The following TRPV6 variants were observed in gnomAD, a reference collection of about 807,000 sequenced individuals.
The protein encoded by TRPV6 is Alu-binding protein with zinc finger domain.
In TRPV6, 39 loss-of-function variants were observed where a neutral mutation model predicts 79.0. That is an observed-to-expected ratio of 0.49 (90% CI 0.38 to 0.64). TRPV6 has a LOEUF of 0.64. TRPV6 is among the 30% of genes least tolerant of loss of function. The pLI is 0.00. For synonymous variants in TRPV6, 373 were observed against 391.9 expected, an observed-to-expected ratio of 0.95 and a Z score of 0.57; for missense variants, 813 against 1,011.1, an observed-to-expected ratio of 0.80 and a Z score of 2.66.
rs1234527256 is a variant in TRPV6 at position 142,877,511 on chromosome 7, CGGAA to C, written c.469+136_469+139del. 3 of 1,478,416 alleles carry C rather than the reference CGGAA, an allele frequency of 2.0e-6. No homozygotes were observed. In the African/African-American group the frequency reaches 4.2e-5, roughly 21 times the overall value. 91.6% of individuals were successfully genotyped at this position (1,478,416 alleles called of 1,614,324 possible). ...TAGTGATGGGCAGTCAGGACTGACA[CGGAA>C]GGGAGACAGAGAAGAGAAAAAAAGA... On this transcript the variant is annotated intron_variant, in intron 3 of 14. Coordinates refer to ENST00000359396, the MANE Select transcript of TRPV6 (RefSeq NM_018646.6).
rs1208945258 is a variant in TRPV6, at chr7:142,875,615, C to A, written c.1095G>T (p.Gly365=). The A allele has an allele frequency of 6.2e-7, 1 of 1,613,680 alleles. No homozygotes were observed. The highest frequency in any genetic ancestry group is 1.3e-5 in the African/African-American group (1 of 74,822). ...CACCCAGCATGCAGAAGTACGGCCG[C>A]CCGTACCGCTTCCACTTGAGGCTCA... is the stretch of plus-strand genomic sequence containing the variant. The change falls in exon 8 of 15, where the codon GGG becomes GGT. Residue 365 remains glycine, a synonymous_variant. Coordinates refer to ENST00000359396, the MANE Select transcript of TRPV6 (RefSeq NM_018646.6).
chr7:142,875,642 C>T lies in TRPV6; in HGVS notation c.1068G>A (p.Leu356=). ...CGTACCGCTTCCACTTGAGGCTCACCAGCTCCTTCACCGGCGTCTGGTCCA... is the reference window on the plus strand; with the variant it reads ...CGTACCGCTTCCACTTGAGGCTCACTAGCTCCTTCACCGGCGTCTGGTCCA... The change falls in exon 8 of 15, where the codon CTG becomes CTA. Residue 356 remains leucine (L), a synonymous_variant. Transcript: ENST00000359396. 1 of 1,613,846 alleles carries T rather than the reference C, an allele frequency of 6.2e-7. No homozygotes were observed. Among genetic ancestry groups the T allele is most frequent in the Non-Finnish European group, 8.5e-7 (1 of 1,179,956 alleles).
At position 142,876,531 on chromosome 7, in the gene TRPV6, G is replaced by A; in HGVS notation, c.759C>T (p.Cys253=). Reference sequence around the variant, plus strand: ...AGGACAGCAACAGGTTGTACATCTGGCAGGCAAAGGTTTTGTTGGGCTGGA... The same window carrying A: ...AGGACAGCAACAGGTTGTACATCTGACAGGCAAAGGTTTTGTTGGGCTGGA... The change falls in exon 6 of 15, where the codon TGC becomes TGT. Residue 253 remains cysteine (C), a synonymous_variant. Coordinates refer to ENST00000359396, the MANE Select transcript of TRPV6 (RefSeq NM_018646.6). 1.9e-6 allele frequency: 3 copies of A among 1,614,138 alleles called. No individual in the cohort carries two copies. The highest frequency in any genetic ancestry group is 2.5e-6 in the Non-Finnish European group (3 of 1,180,026).
rs1048261564 is a variant in TRPV6, at chr7:142,877,457, G to A, written c.470-178C>T. On this transcript the variant is annotated intron_variant, in intron 3 of 14. Transcript: ENST00000359396. ...CTGCCCATCTCTTCCTCTTCTCTAG[G>A]CCCCTGGCATTTCAGGGGGCAGGCG... The A allele has an allele frequency of 4.1e-6, 6 of 1,452,932 alleles. No individual in the cohort carries two copies. In the African/African-American group the frequency reaches 8.6e-5, roughly 21 times the overall value. The allele number at this position is 1,452,932 out of a possible 1,614,324, so 90.0% of individuals were successfully genotyped here.
At chr7:142,884,281 A>T (rs1278258556) in intron 1 of TRPV6, 1 of 152,346 alleles carries the variant, frequency 6.6e-6, no homozygotes. Context: ...ACCATCCCCA[A>T]CCCAGAATCC....
At chr7:142,875,721 C>G (rs201115204) in intron 7 of TRPV6, 37 bp downstream of exon 7, 1 of 1,600,166 alleles carries the variant, frequency 6.2e-7, no homozygotes, top group Non-Finnish European at 8.5e-7. Flanking sequence ...GACCCTGACA[C>G]CCCTCCCCAG....
intron 4 of TRPV6, 145 bp downstream of exon 4, chr7:142,876,997 C>A: frequency 6.9e-7 from 1 of 1,441,170 alleles, no homozygotes; most frequent in South Asian, 1.4e-5. Flanking sequence ...GTAAATTGGC[C>A]TCTAGTCTAA....
intron 4 of TRPV6, 70 bp from the exon 5 acceptor site, chr7:142,876,907 G>A (rs1333189002): frequency 1.9e-6 from 3 of 1,574,274 alleles, no homozygotes; most frequent in South Asian, 1.1e-5. Context: ...TCTCCCCCAA[G>A]TGACAGCCTT....
intron 5 of TRPV6, 55 bp downstream of exon 5, chr7:142,876,684 C>A: frequency 1.2e-6 from 2 of 1,613,416 alleles, no homozygotes; most frequent in Non-Finnish European, 1.7e-6. Flanking sequence ...CCTCTCCTCA[C>A]CCTGTCCCTC....
intron 14 of TRPV6, 35 bp from the exon 15 acceptor site, chr7:142,872,024 G>T: frequency 6.5e-7 from 1 of 1,549,808 alleles, no homozygotes; most frequent in Admixed American, 1.9e-5. Flanking sequence ...ACACAGCCAG[G>T]ACTTGAAGAA....
At chr7:142,885,233 T>C (rs1795280425) in intron 1 of TRPV6, 156 bp downstream of exon 1, 2 of 812,958 alleles carry the variant, frequency 2.5e-6, no homozygotes, top group East Asian at 2.7e-5. Context: ...AGGCTGAGGC[T>C]CTTAAGACAG....
chr7:142,877,619 C>G (rs769199420), intron 3 of TRPV6, 32 bp downstream of exon 3: 1 of 1,609,136 alleles, frequency 6.2e-7, no homozygotes, highest in Non-Finnish European at 8.5e-7. Flanking sequence ...CCAGTCACTC[C>G]TGCTCTTCAC....
Position 142,875,068 on chromosome 7 carries a change from C to T in TRPV6, c.1329+10G>A. On this transcript the variant is annotated intron_variant, in intron 9 of 14. Coordinates refer to ENST00000359396, the MANE Select transcript of TRPV6 (RefSeq NM_018646.6). ...CAGACAGCCTCACCCAGAGTCCATC[C>T]ACACCTCACCTCTACCAGCAGGATG... 1 of 1,614,158 alleles carries T rather than the reference C, an allele frequency of 6.2e-7. No homozygotes were observed. Among genetic ancestry groups the T allele is most frequent in the Non-Finnish European group, 8.5e-7 (1 of 1,180,044 alleles).
chr7:142,871,786 T>G lies in TRPV6; in HGVS notation c.2219A>C (p.Gln740Pro). The G allele has an allele frequency of 6.2e-7, 1 of 1,614,220 alleles. No homozygotes were observed. Among genetic ancestry groups the G allele is most frequent in the Non-Finnish European group, 8.5e-7 (1 of 1,180,028 alleles). Residue 740 changes from glutamine (Q) to proline (P), a missense_variant, in exon 15 of 15, where the codon CAA (glutamine) becomes CCA (proline). Physicochemically the swap from Gln to Pro is moderately conservative, Grantham distance 76. Coordinates refer to ENST00000359396, the MANE Select transcript of TRPV6 (RefSeq NM_018646.6). ...ACGCAGGTCTCTCCTCAGGGTCCCT[T>G]GCCGAAGCCTTTCCCAATTGGCACT...
Position 142,877,978 on chromosome 7 carries a change from C to T in TRPV6, c.297G>A (p.Gln99=). Reference sequence around the variant, plus strand: ...CATACTTGAGCAACTTGTTCAGGGCCTGGACATCATTATCTTTGGCAGCTA... The same window carrying T: ...CATACTTGAGCAACTTGTTCAGGGCTTGGACATCATTATCTTTGGCAGCTA... The change falls in exon 2 of 15, where the codon CAG becomes CAA. Residue 99 remains glutamine (Q), a synonymous_variant. Coordinates refer to ENST00000359396, the MANE Select transcript of TRPV6 (RefSeq NM_018646.6). 6.2e-7 allele frequency: 1 copy of T among 1,614,182 alleles called. No individual in the cohort carries two copies. Among genetic ancestry groups the T allele is most frequent in the Non-Finnish European group, 8.5e-7 (1 of 1,180,032 alleles).
Position 142,871,892 on chromosome 7 carries a change from C to T in TRPV6, c.2113G>A (p.Glu705Lys). 6.2e-7 allele frequency: 1 copy of T among 1,614,178 alleles called. No homozygotes were observed. Among genetic ancestry groups the T allele is most frequent in the Non-Finnish European group, 8.5e-7 (1 of 1,180,014 alleles). The stretch of plus-strand genomic sequence containing the variant: ...AAGGGACAGCCCAGCTCTAGTTTTT[C>T]CACTGAGTCTTTGTCCAAATCCTCA... Residue 705 changes from glutamate to lysine, a missense_variant, in exon 15 of 15, where the codon GAA becomes AAA. Around this residue, in one of 3 missense-constraint regions of TRPV6, gnomAD observed 164 missense variants for 186.1 expected, o/e 0.88. Transcript: ENST00000359396.
chr7:142,874,020 C>G (rs1586186393), intron 12 of TRPV6, 56 bp downstream of exon 12: 1 of 1,583,474 alleles, frequency 6.3e-7, no homozygotes. Flanking sequence ...GCCAGTGCCC[C>G]CTAGACTTCC....
rs781396932 is a variant in TRPV6, at chr7:142,876,439, A to T, written c.851T>A (p.Phe284Tyr). 6.2e-7 allele frequency: 1 copy of T among 1,614,006 alleles called. No homozygotes were observed. The highest frequency in any genetic ancestry group is 8.5e-7 in the Non-Finnish European group (1 of 1,180,016). Residue 284 changes from phenylalanine to tyrosine, a missense_variant, in exon 6 of 15, where the codon TTC becomes TAC. Physicochemically the swap from Phe to Tyr is conservative, Grantham distance 22 (BLOSUM62 3). Around this residue, in one of 3 missense-constraint regions of TRPV6, gnomAD observed 555 missense variants for 631.0 expected, o/e 0.88. Coordinates refer to ENST00000359396, the MANE Select transcript of TRPV6 (RefSeq NM_018646.6). ...GTTACCCTCCACTCCAGCCAGCTTG[A>T]AAGGGGTGAGACCCTGGTGATTGGG...
Position 142,873,379 on chromosome 7 carries a change from C to A in TRPV6, c.1908+69G>T. Reference sequence around the variant, plus strand: ...AGTGGGGTGGAGATATCCTGTCTCTCAGCTTGGCAGGTTCCTTGGTAGGAA... The same window carrying A: ...AGTGGGGTGGAGATATCCTGTCTCTAAGCTTGGCAGGTTCCTTGGTAGGAA... On this transcript the variant is annotated intron_variant, in intron 13 of 14. Coordinates refer to ENST00000359396, the MANE Select transcript of TRPV6 (RefSeq NM_018646.6). The surrounding 1 kb of genome is among the most constrained non-coding windows in gnomAD (Gnocchi z 4.8). 1 of 1,585,458 alleles carries A rather than the reference C, an allele frequency of 6.3e-7. No homozygotes were observed. The highest frequency in any genetic ancestry group is 1.1e-5 in the South Asian group (1 of 88,434).
Sources: gnomAD v4.1 joint callset for allele counts on GRCh38, gnomAD v4.1.1 for gene constraint, gnomAD v4.1.1 regional missense constraint, Gnocchi (gnomAD v3.1) non-coding constraint, MANE v1.5 for transcripts, NCBI Gene and HGNC (gene_info 2026-07-23, HGNC 2026-07-21) for gene names.